APBB1IP: variants seen among roughly 807,000 people sequenced by gnomAD.
APBB1IP encodes the protein amyloid beta A4 precursor protein-binding family B member 1-interacting protein.
Under a neutral mutation model 64.9 loss-of-function variants are expected in APBB1IP, and 27 were observed. The observed-to-expected ratio is 0.42, with a 90% CI of 0.31 to 0.57. APBB1IP has a LOEUF of 0.57. Among genes scored for constraint, APBB1IP ranks in the 20% least tolerant of loss-of-function variants. The pLI is 0.20. For synonymous variants in APBB1IP, 392 were observed against 331.0 expected (o/e 1.18, Z -2.00); for missense variants, 812 against 845.5 (o/e 0.96, Z 0.49).
chr10:26,515,930 T>C (rs925971238), intron 8 of APBB1IP, among the ~76,000 whole-genome samples: 13 of 152,200 alleles, frequency 8.5e-5, no homozygotes, highest in African/African-American at 2.7e-4. Context: ...GAGGAAAGTA[T>C]GCACATTTTT....
At position 26,511,828 on chromosome 10, in the gene APBB1IP, G is replaced by C; in HGVS notation, c.613G>C (p.Asp205His). Residue 205 changes from aspartate to histidine, a missense_variant, in exon 7 of 15, where the codon GAC becomes CAC. Asp to His is a moderately conservative substitution (Grantham distance 81, BLOSUM62 -1). Around this residue, in one of 3 missense-constraint regions of APBB1IP, gnomAD observed 394 missense variants for 413.1 expected, o/e 0.95. Transcript: ENST00000376236. ...GCGGCAGCTGGCCCGAGATGTTCTG[G>C]ACAACCTTTTCGAGAAAACTCATTG... Reference protein sequence around the residue: ...DERQLARDVLDNLFEKTHCDC... With the variant: ...DERQLARDVLHNLFEKTHCDC... 1 of 1,614,132 alleles carries C rather than the reference G, an allele frequency of 6.2e-7. No homozygotes were observed.
intron 13 of APBB1IP, among the ~76,000 whole-genome samples, chr10:26,561,715 A>T (rs931329659): frequency 3.9e-5 from 6 of 152,204 alleles, no homozygotes; most frequent in Non-Finnish European, 8.8e-5. Flanking sequence ...CAAAAGGACA[A>T]ATTAAAAGGC....
intron 2 of APBB1IP, among the ~76,000 whole-genome samples, chr10:26,473,561 A>G (rs1835743629): frequency 6.6e-6 from 1 of 152,230 alleles, no homozygotes; most frequent in African/African-American, 2.4e-5. Context: ...AAATAACTCA[A>G]CTGAATGACA....
At chr10:26,537,189 G>A (rs7903201) in intron 10 of APBB1IP, among the ~76,000 whole-genome samples, 35,662 of 151,994 alleles carry the variant, frequency 0.23, 4,909 homozygotes, top group Middle Eastern at 0.31. Flanking sequence ...ATTAATACAT[G>A]TCTAATCTGT....
intron 4 of APBB1IP, among the ~76,000 whole-genome samples, chr10:26,498,378 G>T (rs563407373): frequency 1.3e-5 from 2 of 151,916 alleles, no homozygotes; most frequent in African/African-American, 2.4e-5. Context: ...GCAAGGTGGC[G>T]GGCACCTGTA....
At chr10:26,540,855 T>C (rs1357283306) in intron 10 of APBB1IP, among the ~76,000 whole-genome samples, 1 of 152,132 alleles carries the variant, frequency 6.6e-6, no homozygotes, top group Non-Finnish European at 1.5e-5. Flanking sequence ...AGAAATCCTT[T>C]TTCTCAGGAG....
intron 11 of APBB1IP, among the ~76,000 whole-genome samples, chr10:26,557,210 G>A (rs1836905219): frequency 6.6e-6 from 1 of 152,174 alleles, no homozygotes; most frequent in African/African-American, 2.4e-5. Flanking sequence ...AGTAAGCATT[G>A]AACCGCCAAA....
At chr10:26,475,124 C>CTTTTT (rs757288624) in intron 2 of APBB1IP, among the ~76,000 whole-genome samples, 2 of 138,168 alleles carry the variant, frequency 1.4e-5, no homozygotes, top group Non-Finnish European at 1.6e-5. Flanking sequence ...TTTTTCTTTT[C>CTTTTT]TTTTTTTTTT....
chr10:26,475,172 G>A (rs1588576151), intron 2 of APBB1IP, among the ~76,000 whole-genome samples: 1 of 150,966 alleles, frequency 6.6e-6, no homozygotes, highest in African/African-American at 2.4e-5. Flanking sequence ...GTCCAGGCTG[G>A]AGTGCAGTGG....
intron 2 of APBB1IP, among the ~76,000 whole-genome samples, chr10:26,457,312 T>C (rs984149016): frequency 6.6e-5 from 10 of 152,162 alleles, no homozygotes; most frequent in Non-Finnish European, 1.5e-5. Flanking sequence ...GCATTTGAAT[T>C]TTTCTTTTTT....
chr10:26,545,557 G>A (rs938052866), intron 11 of APBB1IP, among the ~76,000 whole-genome samples: 1 of 152,024 alleles, frequency 6.6e-6, no homozygotes, highest in African/African-American at 2.4e-5. Flanking sequence ...TCAGGAGATC[G>A]AGACCATCCT....
At chr10:26,533,786 C>G (rs558605258) in intron 9 of APBB1IP, among the ~76,000 whole-genome samples, 58 of 151,980 alleles carry the variant, frequency 3.8e-4, no homozygotes, top group African/African-American at 1.3e-3. Context: ...TCTAGCATTC[C>G]AAGTTTCCAT....
intron 8 of APBB1IP, among the ~76,000 whole-genome samples, chr10:26,518,474 A>G (rs1836360819): frequency 6.6e-6 from 1 of 152,046 alleles, no homozygotes; most frequent in Non-Finnish European, 1.5e-5. Flanking sequence ...TAATATGTTT[A>G]GTTATAGTAG....
In APBB1IP at chr10:26,547,632, AT is replaced by A. The variant is rs1289965209; in HGVS notation, c.1155+5941del. 4.6e-5 allele frequency among the ~76,000 whole-genome samples: 7 copies of A among 152,032 alleles called. No individual in the cohort carries two copies. The East Asian group carries it at 5.8e-4, about 13-fold the overall frequency. ...AATTTTTTTGTATTTTTTAGTAGTG[AT>A]GGGGTTTCACCATGTTAGCCAGGCT... is the stretch of plus-strand genomic sequence containing the variant. On this transcript the variant is annotated intron_variant, in intron 11 of 14. Coordinates refer to ENST00000376236, the MANE Select transcript of APBB1IP (RefSeq NM_019043.4).
chr10:26,469,094 C>CT (rs34751713), intron 2 of APBB1IP, among the ~76,000 whole-genome samples: 95 of 145,562 alleles, frequency 6.5e-4, no homozygotes, highest in Admixed American at 6.1e-4. Flanking sequence ...TTTTCTTCTT[C>CT]TTTTTTTTTT....
At chr10:26,439,990 A>G (rs529640206) in intron 2 of APBB1IP, among the ~76,000 whole-genome samples, 48 of 152,336 alleles carry the variant, frequency 3.2e-4, no homozygotes, top group African/African-American at 1.1e-3. Context: ...GGATCTGCTG[A>G]GAAATACTTT....
intron 2 of APBB1IP, among the ~76,000 whole-genome samples, chr10:26,470,565 C>T (rs1210535406): frequency 2.6e-5 from 4 of 151,944 alleles, no homozygotes; most frequent in Non-Finnish European, 5.9e-5. Context: ...TAAATATGTT[C>T]GTTAGATGAT....
intron 3 of APBB1IP, among the ~76,000 whole-genome samples, chr10:26,494,844 A>G (rs115099433): frequency 0.012 from 1,819 of 152,160 alleles, 30 homozygotes; most frequent in African/African-American, 0.034. Context: ...AAAAATAAAA[A>G]ATAAACCAAT....
intron 14 of APBB1IP, among the ~76,000 whole-genome samples, chr10:26,563,064 C>T (rs1387345818): frequency 1.3e-5 from 2 of 152,168 alleles, no homozygotes; most frequent in African/African-American, 4.8e-5. Context: ...GATAGTAGCA[C>T]ATCCAAGTTT....
Sources: allele counts gnomAD v4.1 joint callset (sites outside exome capture counted in the v4.1 genomes callset), GRCh38; gene constraint gnomAD v4.1.1; regional missense constraint gnomAD v4.1.1; transcripts MANE v1.5; gene names NCBI Gene and HGNC (gene_info 2026-07-23, HGNC 2026-07-21).